The following NAV3 variants were observed in gnomAD, a reference collection of about 807,000 sequenced individuals.
NAV3 encodes neuron navigator 3.
In NAV3, 87 loss-of-function variants were observed where a neutral mutation model predicts 244.7. That is an observed-to-expected ratio of 0.36 (90% CI 0.30 to 0.42). The LOEUF is 0.42. Ranked by LOEUF, NAV3 falls within the 20% of genes least tolerant of loss-of-function variation. The pLI is 1.00. For synonymous variants in NAV3, 1,126 were observed against 1,042.2 expected, an observed-to-expected ratio of 1.08 and a Z score of -1.55; for missense variants, 2,663 against 2,893.3, an observed-to-expected ratio of 0.92 and a Z score of 1.83.
intron 20 of NAV3, among the ~76,000 whole-genome samples, chr12:78,142,844 G>A (rs1956689185): frequency 6.6e-6 from 1 of 151,390 alleles, no homozygotes. Flanking sequence ...GATATTATTA[G>A]AAAATTGAAA....
At position 78,055,407 on chromosome 12, in the gene NAV3, C is replaced by A. The variant is rs571342920; in HGVS notation, c.2517-3589C>A. On this transcript the variant is annotated intron_variant, in intron 11 of 39. Transcript: ENST00000397909. ...GAGCACTTTATATTTTGCAAGAATA[C>A]ATGCAATATATGCAAGAATACATGC... Among the ~76,000 whole-genome samples the A allele has an allele frequency of 1.7e-4, 26 of 152,236 alleles. 1 individual carries two copies. Among genetic ancestry groups the A allele is most frequent in the African/African-American group, 5.1e-4 (21 of 41,544 alleles).
At chr12:77,915,450 GA>G (rs1370193789) in intron 1 of NAV3, among the ~76,000 whole-genome samples, 4 of 151,836 alleles carry the variant, frequency 2.6e-5, no homozygotes, top group Non-Finnish European at 1.5e-5. Context: ...CAGATGTAGA[GA>G]TTATCAATTA....
intron 2 of NAV3, among the ~76,000 whole-genome samples, chr12:77,662,430 A>G (rs1053580563): frequency 2.0e-5 from 3 of 152,072 alleles, no homozygotes; most frequent in Admixed American, 1.3e-4. Flanking sequence ...TAGAAATACA[A>G]TTCATTTTTG....
chr12:77,854,323 A>T (rs749807658), intron 1 of NAV3, among the ~76,000 whole-genome samples: 14 of 152,190 alleles, frequency 9.2e-5, no homozygotes, highest in Non-Finnish European at 1.9e-4. Flanking sequence ...GCAGTACCTC[A>T]TACCATGTTC....
At chr12:77,977,462 T>C (rs888445412) in intron 5 of NAV3, among the ~76,000 whole-genome samples, 2 of 147,214 alleles carry the variant, frequency 1.4e-5, no homozygotes, top group African/African-American at 4.9e-5. Flanking sequence ...CTGTAGAGTA[T>C]CTTTTGGTAT....
At chr12:77,679,577 T>G in intron 2 of NAV3, among the ~76,000 whole-genome samples, 1 of 150,460 alleles carries the variant, frequency 6.6e-6, no homozygotes, top group Non-Finnish European at 1.5e-5. Flanking sequence ...GTTTATTAAG[T>G]GATAGTTTAC....
chr12:77,839,247 A>G (rs79176043), intron 1 of NAV3, among the ~76,000 whole-genome samples: 1,689 of 152,360 alleles, frequency 0.011, 35 homozygotes, highest in African/African-American at 0.038. Context: ...CTTTAGAATC[A>G]GCTTCCAATA....
At chr12:78,176,311 G>A (rs1367220683) in intron 25 of NAV3, 128 bp from the exon 26 acceptor site, 18 of 818,326 alleles carry the variant, frequency 2.2e-5, no homozygotes, top group Non-Finnish European at 3.1e-5. Context: ...TTACTGGAGT[G>A]CTTTCTACAA....
At chr12:77,774,276 T>C (rs996300422) in intron 2 of NAV3, among the ~76,000 whole-genome samples, 2 of 152,338 alleles carry the variant, frequency 1.3e-5, no homozygotes, top group East Asian at 3.9e-4. Context: ...GTGCCTTCCA[T>C]TATTCAGTCC....
Position 77,692,695 on chromosome 12 carries a change from G to A in NAV3, c.72+120429G>A, listed in dbSNP as rs139125220. 6.8e-3 allele frequency among the ~76,000 whole-genome samples: 1,032 copies of A among 152,012 alleles called. 6 individuals carry two copies. Among genetic ancestry groups the A allele is most frequent in the Non-Finnish European group, 0.01 (693 of 67,942 alleles). On this transcript the variant is annotated intron_variant, in intron 2 of 8. Coordinates refer to the NAV3 transcript ENST00000550042. ...TATAGTAATTATGTTTCATTGTTCA[G>A]TCATTTATTTTTTGTTCTTGAGTGC...
intron 1 of NAV3, among the ~76,000 whole-genome samples, chr12:77,840,179 G>A (rs1196855700): frequency 6.6e-6 from 1 of 152,222 alleles, no homozygotes; most frequent in Non-Finnish European, 1.5e-5. Context: ...GAAATAGTGT[G>A]TTGTGTTTAT....
At chr12:77,992,672 A>C (rs563308993) in intron 5 of NAV3, among the ~76,000 whole-genome samples, 3 of 152,344 alleles carry the variant, frequency 2.0e-5, no homozygotes, top group South Asian at 4.1e-4. Flanking sequence ...TAGCAAGTGA[A>C]TTACTAAGTA....
chr12:78,193,718 T>C (rs894630925), intron 34 of NAV3, among the ~76,000 whole-genome samples: 2 of 152,126 alleles, frequency 1.3e-5, no homozygotes, highest in African/African-American at 4.8e-5. Flanking sequence ...AGGAAAAAAG[T>C]TTATTTATGT....
At chr12:77,615,502 G>T (rs1432324765) in intron 2 of NAV3, among the ~76,000 whole-genome samples, 1 of 152,144 alleles carries the variant, frequency 6.6e-6, no homozygotes, top group East Asian at 1.9e-4. Context: ...AGTTTGCATA[G>T]GATAATGATC....
chr12:78,080,998 C>A (rs1029557566), intron 12 of NAV3, among the ~76,000 whole-genome samples: 1 of 152,160 alleles, frequency 6.6e-6, no homozygotes, highest in Non-Finnish European at 1.5e-5. Context: ...AGATCGTATC[C>A]ATTTGACAAG....
chr12:77,635,216 A>T (rs944026059), intron 2 of NAV3, among the ~76,000 whole-genome samples: 6 of 150,498 alleles, frequency 4.0e-5, no homozygotes, highest in Non-Finnish European at 8.8e-5. Flanking sequence ...TGACAGAGCA[A>T]GATTCTGTCT....
At chr12:78,008,459 A>T (rs1445442408) in intron 8 of NAV3, among the ~76,000 whole-genome samples, 3 of 152,106 alleles carry the variant, frequency 2.0e-5, no homozygotes, top group Non-Finnish European at 1.5e-5. Context: ...GTTGGTAAGG[A>T]GATGGCCTGG....
At chr12:78,037,222 G>T (rs970124188) in intron 9 of NAV3, 1 of 703,004 alleles carries the variant, frequency 1.4e-6, no homozygotes, top group Admixed American at 2.0e-5. Context: ...GAAGATAGTA[G>T]GTCTGAAGAT....
chr12:77,861,389 A>G (rs977643960), intron 1 of NAV3, among the ~76,000 whole-genome samples: 11 of 151,908 alleles, frequency 7.2e-5, no homozygotes, highest in African/African-American at 2.4e-4. Context: ...GAGTTAAATT[A>G]ATGCCATTTA....
Sources: gnomAD v4.1 joint callset for allele counts (sites outside exome capture counted in the v4.1 genomes callset) on GRCh38, gnomAD v4.1.1 for gene constraint, MANE v1.5 for transcripts, NCBI Gene and HGNC (gene_info 2026-07-23, HGNC 2026-07-21) for gene names.